Variants in KCNB2 observed in about 807,000 individuals in gnomAD.
KCNB2 encodes the protein potassium voltage-gated channel subfamily B member 2.
Under a neutral mutation model 61.5 loss-of-function variants are expected in KCNB2, and 15 were observed. That is an observed-to-expected ratio of 0.24 (90% CI 0.16 to 0.38). The LOEUF is 0.38. Ranked by LOEUF, KCNB2 falls within the 10% of genes least tolerant of loss-of-function variation. The pLI is 1.00. For synonymous variants in KCNB2, 457 were observed against 446.0 expected (o/e 1.02, Z -0.31); for missense variants, 828 against 1,125.2 (o/e 0.74, Z 3.78).
At chr8:72,893,044 T>C (rs1427459548) in intron 2 of KCNB2, among the ~76,000 whole-genome samples, 2 of 151,706 alleles carry the variant, frequency 1.3e-5, no homozygotes, top group Non-Finnish European at 2.9e-5. Flanking sequence ...GGATAGTGAA[T>C]ATGTGTGATT....
At chr8:72,653,398 TA>T (rs1297965541) in intron 2 of KCNB2, among the ~76,000 whole-genome samples, 1 of 152,146 alleles carries the variant, frequency 6.6e-6, no homozygotes, top group Non-Finnish European at 1.5e-5. Context: ...CTGAGTGCCC[TA>T]AAATAGCTTT....
intron 2 of KCNB2, among the ~76,000 whole-genome samples, chr8:72,584,304 G>T (rs979711015): frequency 6.6e-6 from 1 of 152,042 alleles, no homozygotes; most frequent in Non-Finnish European, 1.5e-5. Context: ...CCATGAAAGC[G>T]GGGAGAGTTA....
In KCNB2 at chr8:72,840,114, T is replaced by C. The variant is rs184509571; in HGVS notation, c.580-95821T>C. On this transcript the variant is annotated intron_variant, in intron 2 of 2. Coordinates refer to ENST00000523207, the MANE Select transcript of KCNB2 (RefSeq NM_004770.3). ...TGTGATGTTCCCCTCCCTGTGTCCA[T>C]GTGTTCTCATTGTTCAACTCCCACT... Among the ~76,000 whole-genome samples, 48 of 152,208 alleles carry C rather than the reference T, an allele frequency of 3.2e-4. No individual in the cohort carries two copies. In the East Asian group the frequency reaches 6.6e-3, roughly 21 times the overall value.
At chr8:72,691,777 G>C (rs1183695556) in intron 2 of KCNB2, among the ~76,000 whole-genome samples, 1 of 151,992 alleles carries the variant, frequency 6.6e-6, no homozygotes, top group Non-Finnish European at 1.5e-5. Context: ...GTTTCCTTCT[G>C]TAATTTCAAT....
intron 2 of KCNB2, among the ~76,000 whole-genome samples, chr8:72,584,110 A>AC (rs1806959160): frequency 6.7e-6 from 1 of 149,034 alleles, no homozygotes; most frequent in African/African-American, 2.4e-5. Context: ...ACAAAACAAA[A>AC]AAAAACAGAA....
chr8:72,795,148 C>T (rs1430915958), intron 2 of KCNB2, among the ~76,000 whole-genome samples: 1 of 152,062 alleles, frequency 6.6e-6, no homozygotes, highest in African/African-American at 2.4e-5. Flanking sequence ...GTTTTAATAC[C>T]ACTCCAGACA....
intron 2 of KCNB2, among the ~76,000 whole-genome samples, chr8:72,905,593 C>G (rs775376340): frequency 7.9e-5 from 12 of 152,132 alleles, no homozygotes; most frequent in Non-Finnish European, 1.5e-4. Flanking sequence ...CGACTGCAGT[C>G]CTTCCTCTGC....
intron 2 of KCNB2, among the ~76,000 whole-genome samples, chr8:72,687,018 A>T (rs892225024): frequency 1.1e-4 from 17 of 152,296 alleles, no homozygotes; most frequent in African/African-American, 4.1e-4. Flanking sequence ...AGCATCAGTT[A>T]CCTAGGGAGC....
intron 2 of KCNB2, among the ~76,000 whole-genome samples, chr8:72,633,176 A>C (rs570880705): frequency 6.6e-6 from 1 of 152,196 alleles, no homozygotes; most frequent in East Asian, 1.9e-4. Flanking sequence ...TTCTGCCAAC[A>C]ATCTGAAGGA....
chr8:72,672,593 G>T (rs1005564177), intron 2 of KCNB2, among the ~76,000 whole-genome samples: 3 of 151,990 alleles, frequency 2.0e-5, no homozygotes, highest in South Asian at 2.1e-4. Flanking sequence ...ATAATCTATA[G>T]TGAAAGGTGT....
At chr8:72,659,860 T>A (rs77127980) in intron 2 of KCNB2, among the ~76,000 whole-genome samples, 468 of 152,328 alleles carry the variant, frequency 3.1e-3, no homozygotes, top group African/African-American at 0.011. Flanking sequence ...CACTTCATAG[T>A]ATAGTGTAAA....
At chr8:72,931,004 C>T (rs1205405839) in intron 2 of KCNB2, among the ~76,000 whole-genome samples, 2 of 152,222 alleles carry the variant, frequency 1.3e-5, no homozygotes, top group Non-Finnish European at 2.9e-5. Flanking sequence ...CCAGTTTCAG[C>T]TTTCTACTAA....
chr8:72,792,183 G>T (rs1808956366), intron 2 of KCNB2, among the ~76,000 whole-genome samples: 1 of 152,170 alleles, frequency 6.6e-6, no homozygotes. Flanking sequence ...CTGAGGTCTG[G>T]TCTCCGCCTT....
intron 2 of KCNB2, among the ~76,000 whole-genome samples, chr8:72,808,784 G>A (rs959189205): frequency 6.6e-6 from 1 of 151,922 alleles, no homozygotes; most frequent in African/African-American, 2.4e-5. Context: ...TCTAGTTCAG[G>A]GTCATGTCCT....
rs145455735 is a variant in KCNB2, at chr8:72,935,655, A to T, written c.580-280A>T. On this transcript the variant is annotated intron_variant, in intron 2 of 2. Transcript: ENST00000523207. ...GAGATAATTACTCCCCCCAAAAACT[A>T]TTCCAGCCATATGTGGCCCTCATCC... 9.6e-3 allele frequency among the ~76,000 whole-genome samples: 1,457 copies of T among 152,272 alleles called. 18 individuals carry two copies. The highest frequency in any genetic ancestry group is 0.033 in the African/African-American group (1,361 of 41,538).
At chr8:72,855,151 A>G (rs1047024655) in intron 2 of KCNB2, among the ~76,000 whole-genome samples, 4 of 152,152 alleles carry the variant, frequency 2.6e-5, no homozygotes, top group Non-Finnish European at 1.5e-5. Flanking sequence ...TCCTTATCAT[A>G]CAGTTATATT....
chr8:72,742,431 A>G (rs186240106), intron 2 of KCNB2, among the ~76,000 whole-genome samples: 120 of 152,264 alleles, frequency 7.9e-4, no homozygotes, highest in African/African-American at 2.8e-3. Context: ...AGGGTGGTAT[A>G]AATTAAGACT....
At chr8:72,561,721 ATATATATCTATATC>A (rs1478096003) in intron 1 of KCNB2, among the ~76,000 whole-genome samples, 668 of 23,576 alleles carry the variant, frequency 0.028, 70 homozygotes, top group African/African-American at 0.18. Flanking sequence ...ATATATATAT[ATATATATCTATATC>A]TATATATATA....
intron 2 of KCNB2, among the ~76,000 whole-genome samples, chr8:72,762,768 T>TAA (rs1313296355): frequency 6.6e-6 from 1 of 151,914 alleles, no homozygotes; most frequent in African/African-American, 2.4e-5. Context: ...CCAAGAAGCC[T>TAA]AAAGCTCAAT....
Sources: gnomAD v4.1 joint callset for allele counts (sites outside exome capture counted in the v4.1 genomes callset) on GRCh38, gnomAD v4.1.1 for gene constraint, MANE v1.5 for transcripts, NCBI Gene and HGNC (gene_info 2026-07-23, HGNC 2026-07-21) for gene names.